The following TIAM2 variants were observed in gnomAD, a reference collection of about 807,000 sequenced individuals.
TIAM2 encodes the protein TIAM Rac1 associated GEF 2.
TIAM2 carries 80 observed loss-of-function variants against 152.9 expected under a neutral mutation model. The ratio of observed to expected loss-of-function variants is 0.52; its 90% CI spans 0.44 to 0.63. TIAM2 has a LOEUF of 0.63. TIAM2 is among the 30% of genes least tolerant of loss of function. TIAM2 has a pLI of 0.00. For synonymous variants in TIAM2, 804 were observed against 838.0 expected, an observed-to-expected ratio of 0.96 and a Z score of 0.70; for missense variants, 1,965 against 2,120.1, an observed-to-expected ratio of 0.93 and a Z score of 1.44.
intron 7 of TIAM2, among the ~76,000 whole-genome samples, chr6:155,152,027 A>G (rs1583216473): frequency 1.3e-5 from 2 of 151,846 alleles, no homozygotes; most frequent in East Asian, 3.9e-4. Flanking sequence ...TATTTTTAAT[A>G]GAGACGGGGT....
chr6:154,998,980 G>A (rs1018867914), intron 1 of TIAM2, among the ~76,000 whole-genome samples: 1 of 152,096 alleles, frequency 6.6e-6, no homozygotes, highest in Non-Finnish European at 1.5e-5. Flanking sequence ...GGGTAAAGTA[G>A]GCATGTGATA....
intron 1 of TIAM2, among the ~76,000 whole-genome samples, chr6:155,030,666 C>T (rs1013118615): frequency 5.3e-5 from 8 of 152,252 alleles, no homozygotes; most frequent in Non-Finnish European, 7.3e-5. Flanking sequence ...CTACTTTCTC[C>T]GTCTTGCTCC....
intron 2 of TIAM2, among the ~76,000 whole-genome samples, chr6:155,090,925 G>C (rs1410589148): frequency 6.6e-6 from 1 of 152,092 alleles, no homozygotes. Flanking sequence ...GGATGTGTTG[G>C]TGTCGCAGGT....
At chr6:155,102,753 T>A (rs544177072) in intron 2 of TIAM2, among the ~76,000 whole-genome samples, 1 of 149,546 alleles carries the variant, frequency 6.7e-6, no homozygotes, top group South Asian at 2.1e-4. Flanking sequence ...TGGTGTTTTT[T>A]ATGGATTAAT....
intron 14 of TIAM2, among the ~76,000 whole-genome samples, chr6:155,187,581 T>C (rs1200809169): frequency 8.1e-6 from 1 of 124,058 alleles, no homozygotes; most frequent in African/African-American, 3.1e-5. Flanking sequence ...CCCTTTTTTT[T>C]TTTTTTTTTT....
Position 154,995,975 on chromosome 6 carries a change from A to G in TIAM2, c.-209+483A>G, listed in dbSNP as rs1306050618. Among the ~76,000 whole-genome samples the G allele has an allele frequency of 6.6e-6, 1 of 152,164 alleles. No homozygotes were observed. Among genetic ancestry groups the G allele is most frequent in the East Asian group, 1.9e-4 (1 of 5,144 alleles). On this transcript the variant is annotated intron_variant, in intron 1 of 26. Transcript: ENST00000682666. This position sits in a 1 kb window ranked among gnomAD's most constrained non-coding sequence, Gnocchi z 5.2. ...AGGCGCTGCGGCGAAGCAGGATCCC[A>G]GGCGGTCGGCTCAGCGAGTGTAGAC...
chr6:155,062,814 A>G (rs1245643590), intron 1 of TIAM2, among the ~76,000 whole-genome samples: 7 of 151,898 alleles, frequency 4.6e-5, no homozygotes, highest in Admixed American at 4.6e-4. Flanking sequence ...ACTTCATGTG[A>G]TCCACCCGCC....
At chr6:155,084,008 G>A (rs1203544068) in intron 1 of TIAM2, among the ~76,000 whole-genome samples, 3 of 152,242 alleles carry the variant, frequency 2.0e-5, no homozygotes, top group Non-Finnish European at 4.4e-5. Context: ...CGAGGTGAAG[G>A]GGGCATAGGG....
chr6:155,095,143 T>C (rs941539506), intron 2 of TIAM2, among the ~76,000 whole-genome samples: 1 of 152,114 alleles, frequency 6.6e-6, no homozygotes, highest in African/African-American at 2.4e-5. Flanking sequence ...TTCTGCTTTT[T>C]CCAGTGGATC....
At chr6:155,238,340 G>A (rs1052207082) in intron 15 of TIAM2, among the ~76,000 whole-genome samples, 1 of 152,192 alleles carries the variant, frequency 6.6e-6, no homozygotes, top group Admixed American at 6.5e-5. Context: ...TCTCTAGGAA[G>A]TTCCAAACTT....
intron 1 of TIAM2, among the ~76,000 whole-genome samples, chr6:155,073,159 C>CT (rs34459359): frequency 0.2 from 21,199 of 105,292 alleles, 2,813 homozygotes; most frequent in African/African-American, 0.29. Flanking sequence ...TGATTAAGTT[C>CT]TTTTTTTTTT....
At chr6:155,224,504 C>T (rs1219698190) in intron 15 of TIAM2, among the ~76,000 whole-genome samples, 4 of 152,140 alleles carry the variant, frequency 2.6e-5, no homozygotes, top group African/African-American at 9.7e-5. Context: ...TTTGTAAATC[C>T]GTCTCCTGCT....
At chr6:155,069,639 T>C (rs1488356048) in intron 1 of TIAM2, among the ~76,000 whole-genome samples, 1 of 152,186 alleles carries the variant, frequency 6.6e-6, no homozygotes, top group African/African-American at 2.4e-5. Context: ...TTGATCATTG[T>C]ATACAGTAAT....
At chr6:155,068,424 C>G (rs1043195147) in intron 1 of TIAM2, among the ~76,000 whole-genome samples, 2 of 152,044 alleles carry the variant, frequency 1.3e-5, no homozygotes, top group African/African-American at 4.8e-5. Flanking sequence ...CTTCAGGAGA[C>G]AGAAGTGGTT....
rs561232441 is a variant in TIAM2 at position 155,045,002 on chromosome 6, T to G, written c.-208-45287T>G. Reference sequence around the variant, plus strand: ...TTCTTTTCATCTTTTGTTTTAAATTTCTTTTTTTCTTTTTCTCTTACTGAA... The same window carrying G: ...TTCTTTTCATCTTTTGTTTTAAATTGCTTTTTTTCTTTTTCTCTTACTGAA... On this transcript the variant is annotated intron_variant, in intron 1 of 26. Coordinates refer to ENST00000682666, the MANE Select transcript of TIAM2 (RefSeq NM_012454.4). Among the ~76,000 whole-genome samples, 3 of 152,092 alleles carry G rather than the reference T, an allele frequency of 2.0e-5. No individual in the cohort carries two copies. The South Asian group carries it at 6.2e-4, about 32-fold the overall frequency.
chr6:155,092,369 A>T, intron 2 of TIAM2, among the ~76,000 whole-genome samples: 1 of 150,836 alleles, frequency 6.6e-6, no homozygotes, highest in East Asian at 2.0e-4. Flanking sequence ...AAGTGCTGGG[A>T]TTACAGGCAT....
intron 1 of TIAM2, among the ~76,000 whole-genome samples, chr6:155,073,717 T>C (rs1224825099): frequency 6.6e-6 from 1 of 152,094 alleles, no homozygotes; most frequent in Non-Finnish European, 1.5e-5. Flanking sequence ...AACAGCGAGC[T>C]ACCCCGCTTG....
intron 2 of TIAM2, among the ~76,000 whole-genome samples, chr6:155,114,036 A>ATATATATATATATTTTTTTTTT: frequency 2.3e-4 from 8 of 34,902 alleles, no homozygotes; most frequent in South Asian, 1.4e-3. Flanking sequence ...ATATATATAT[A>ATATATATATATATTTTTTTTTT]TTTTTTTTTT....
Position 155,245,683 on chromosome 6 carries a change from A to G in TIAM2, c.3604A>G (p.Ser1202Gly). The change falls in exon 19 of 27, where the codon AGT becomes GGT. Residue 1202 changes from serine (S) to glycine (G), a missense_variant. Ser to Gly is a moderately conservative substitution (Grantham distance 56, BLOSUM62 0). This residue lies in a region of TIAM2 where 935 missense variants were observed against 980.0 expected (regional missense o/e 0.95). Coordinates refer to ENST00000682666, the MANE Select transcript of TIAM2 (RefSeq NM_012454.4). ...LYYADHFKLY[S>G]GFCANHIKVQ... ...TTACGCGGACCACTTTAAACTGTAC[A>G]GTGGATTCTGTGCTAACCATATCAA... 3 of 1,612,742 alleles carry G rather than the reference A, an allele frequency of 1.9e-6. No homozygotes were observed. Among genetic ancestry groups the G allele is most frequent in the Non-Finnish European group, 2.5e-6 (3 of 1,179,576 alleles).
Sources: allele counts gnomAD v4.1 joint callset (sites outside exome capture counted in the v4.1 genomes callset), GRCh38; gene constraint gnomAD v4.1.1; regional missense constraint gnomAD v4.1.1; non-coding constraint Gnocchi (gnomAD v3.1); transcripts MANE v1.5; gene names NCBI Gene and HGNC (gene_info 2026-07-23, HGNC 2026-07-21).